The following NDST4 variants were observed in gnomAD, a reference collection of about 807,000 sequenced individuals.
NDST4 encodes N-deacetylase and N-sulfotransferase 4, also known as N-heparan sulfate sulfotransferase 4.
NDST4 carries 63 observed loss-of-function variants against 100.8 expected under a neutral mutation model. The observed-to-expected ratio is 0.62, with a 90% CI of 0.51 to 0.77. The LOEUF (loss-of-function observed/expected upper bound fraction) is 0.77. NDST4 is among the 30% of genes least tolerant of loss of function. The probability of loss-of-function intolerance (pLI) is 0.00; values close to 1 mark genes in which losing one functional copy is unlikely to be tolerated. For synonymous variants in NDST4, 377 were observed against 361.8 expected, an observed-to-expected ratio of 1.04 and a Z score of -0.48; for missense variants, 943 against 1,018.4, an observed-to-expected ratio of 0.93 and a Z score of 1.01.
intron 2 of NDST4, among the ~76,000 whole-genome samples, chr4:115,032,787 G>A (rs1048139521): frequency 6.6e-6 from 1 of 151,996 alleles, no homozygotes; most frequent in African/African-American, 2.4e-5. Flanking sequence ...GAAGTTTGAG[G>A]TTTGGTCAAA....
At chr4:115,002,298 CTTT>C (rs1727308159) in intron 2 of NDST4, among the ~76,000 whole-genome samples, 1 of 152,068 alleles carries the variant, frequency 6.6e-6, no homozygotes, top group South Asian at 2.1e-4. Context: ...TCAATGTCTT[CTTT>C]TGAGAATTGT....
chr4:115,027,363 G>C (rs1410787746), intron 2 of NDST4, among the ~76,000 whole-genome samples: 1 of 152,070 alleles, frequency 6.6e-6, no homozygotes, highest in Non-Finnish European at 1.5e-5. Context: ...AGATTTCTGG[G>C]TGAGATCATT....
chr4:114,879,243 C>A (rs1156238067), intron 6 of NDST4, among the ~76,000 whole-genome samples: 2 of 152,116 alleles, frequency 1.3e-5, no homozygotes, highest in African/African-American at 4.8e-5. Flanking sequence ...AGTCCCCAGG[C>A]TGTGCAATAG....
In NDST4 at chr4:114,908,672, C is replaced by T. The variant is rs138221567; in HGVS notation, c.1536+26534G>A. On this transcript the variant is annotated intron_variant, in intron 6 of 13. Coordinates refer to ENST00000264363, the MANE Select transcript of NDST4 (RefSeq NM_022569.3). ...TGGTTATAAAAGGTTAAATTTTCCT[C>T]GCTTGTCTCAGAAAGGAGACTAAAA... 2.2e-4 allele frequency among the ~76,000 whole-genome samples: 33 copies of T among 152,216 alleles called. 1 individual carries two copies. The East Asian group carries it at 5.4e-3, about 25-fold the overall frequency.
intron 1 of NDST4, among the ~76,000 whole-genome samples, chr4:115,093,391 C>T (rs1293662991): frequency 2.6e-5 from 4 of 151,862 alleles, no homozygotes; most frequent in East Asian, 3.9e-4. Context: ...AGGAGAATGG[C>T]GTGAATCCGG....
intron 4 of NDST4, among the ~76,000 whole-genome samples, chr4:114,953,011 A>AT (rs775828713): frequency 4.4e-4 from 62 of 140,788 alleles, no homozygotes; most frequent in Non-Finnish European, 8.2e-4. Context: ...AAGTTGGCTC[A>AT]TTTTTTTTCT....
At chr4:115,053,744 A>C (rs943800471) in intron 2 of NDST4, among the ~76,000 whole-genome samples, 1 of 152,130 alleles carries the variant, frequency 6.6e-6, no homozygotes, top group African/African-American at 2.4e-5. Flanking sequence ...CAGAGAGAGA[A>C]GGACCATGAC....
intron 1 of NDST4, among the ~76,000 whole-genome samples, chr4:115,081,451 A>C (rs1455753869): frequency 6.6e-6 from 1 of 152,080 alleles, no homozygotes; most frequent in Non-Finnish European, 1.5e-5. Context: ...GATTAGTTTG[A>C]ATCTCTTACC....
chr4:115,104,284 C>G (rs891380096), intron 1 of NDST4, among the ~76,000 whole-genome samples: 4 of 151,966 alleles, frequency 2.6e-5, no homozygotes, highest in African/African-American at 9.7e-5. Flanking sequence ...ATTATGTTTA[C>G]CAAACTGCTT....
At chr4:114,907,483 A>G (rs1724976904) in intron 6 of NDST4, among the ~76,000 whole-genome samples, 1 of 152,194 alleles carries the variant, frequency 6.6e-6, no homozygotes, top group Non-Finnish European at 1.5e-5. Context: ...AGCACATAGG[A>G]AAGTTCTTAA....
chr4:114,861,965 GTA>G (rs1723927407), intron 7 of NDST4, among the ~76,000 whole-genome samples: 1 of 152,034 alleles, frequency 6.6e-6, no homozygotes. Flanking sequence ...TTCTTTGTGT[GTA>G]TGTTTGTAAT....
intron 2 of NDST4, among the ~76,000 whole-genome samples, chr4:115,027,765 G>C (rs1728019563): frequency 6.6e-6 from 1 of 152,018 alleles, no homozygotes; most frequent in Non-Finnish European, 1.5e-5. Context: ...TGTTATAAGA[G>C]TTTCACGGCC....
intron 2 of NDST4, among the ~76,000 whole-genome samples, chr4:115,064,882 G>A (rs1305971215): frequency 6.6e-6 from 1 of 152,052 alleles, no homozygotes; most frequent in Non-Finnish European, 1.5e-5. Flanking sequence ...CCAACCCAAT[G>A]GGGCCAGAAA....
intron 4 of NDST4, among the ~76,000 whole-genome samples, chr4:114,950,702 C>T (rs1725971423): frequency 6.6e-6 from 1 of 152,046 alleles, no homozygotes; most frequent in South Asian, 2.1e-4. Context: ...GCTCTTTCTG[C>T]TACTGCTCCC....
intron 4 of NDST4, among the ~76,000 whole-genome samples, chr4:114,941,032 G>A (rs1336793179): frequency 1.3e-5 from 2 of 152,200 alleles, no homozygotes; most frequent in Admixed American, 1.3e-4. Flanking sequence ...CTCACTTTGG[G>A]CCGCAGTCCC....
At chr4:115,047,750 C>A (rs1728495203) in intron 2 of NDST4, among the ~76,000 whole-genome samples, 2 of 151,994 alleles carry the variant, frequency 1.3e-5, no homozygotes, top group South Asian at 4.2e-4. Flanking sequence ...TTAATTGAGT[C>A]AAATCTTAGA....
chr4:115,014,219 C>T (rs1036761204), intron 2 of NDST4, among the ~76,000 whole-genome samples: 9 of 152,070 alleles, frequency 5.9e-5, no homozygotes, highest in Admixed American at 3.3e-4. Context: ...AGTCTCATGG[C>T]TATATCAACT....
At chr4:115,028,925 C>T (rs1447554248) in intron 2 of NDST4, among the ~76,000 whole-genome samples, 1 of 152,026 alleles carries the variant, frequency 6.6e-6, no homozygotes, top group Non-Finnish European at 1.5e-5. Context: ...AGAAAAACCA[C>T]AAAGGATAAT....
chr4:114,939,102 G>C (rs1023147777), intron 4 of NDST4, among the ~76,000 whole-genome samples: 4 of 152,166 alleles, frequency 2.6e-5, no homozygotes, highest in Non-Finnish European at 5.9e-5. Flanking sequence ...ACATGTACTG[G>C]GACAGCCTTA....
Sources: allele counts gnomAD v4.1 joint callset (sites outside exome capture counted in the v4.1 genomes callset), GRCh38; gene constraint gnomAD v4.1.1; transcripts MANE v1.5; gene names NCBI Gene and HGNC (gene_info 2026-07-23, HGNC 2026-07-21).